The following HTR1F variants were observed in gnomAD, a reference collection of about 807,000 sequenced individuals.
The protein encoded by HTR1F is 5-hydroxytryptamine receptor 1F.
Under a neutral mutation model 24.0 loss-of-function variants are expected in HTR1F, and 17 were observed. That is an observed-to-expected ratio of 0.71 (90% CI 0.48 to 1.06). HTR1F has a LOEUF of 1.06. HTR1F is among the 50% of genes least tolerant of loss of function. The pLI, the probability that HTR1F is intolerant of heterozygous loss-of-function variation, is 0.00. For missense variants in HTR1F, 391 were observed against 427.8 expected, an observed-to-expected ratio of 0.91 and a Z score of 0.76; for synonymous variants, 186 against 156.8, an observed-to-expected ratio of 1.19 and a Z score of -1.39.
chr3:87,806,710 T>G (rs1704080114), intron 1 of HTR1F, among the ~76,000 whole-genome samples: 1 of 152,040 alleles, frequency 6.6e-6, no homozygotes, highest in African/African-American at 2.4e-5. Context: ...TCAGCCATAA[T>G]CTTTTCCTAA....
chr3:87,969,672 G>A (rs58046740), intron 2 of HTR1F, among the ~76,000 whole-genome samples: 14,128 of 152,210 alleles, frequency 0.093, 687 homozygotes, highest in African/African-American at 0.12. Context: ...GTGGACTTTT[G>A]AGTTAATGCT....
intron 1 of HTR1F, among the ~76,000 whole-genome samples, chr3:87,816,815 A>G (rs1476513220): frequency 6.6e-6 from 1 of 152,128 alleles, no homozygotes; most frequent in Non-Finnish European, 1.5e-5. Flanking sequence ...CTAGCAAATG[A>G]AAGTTCAATG....
chr3:87,823,046 G>A (rs1704390055), intron 2 of HTR1F, among the ~76,000 whole-genome samples: 1 of 152,100 alleles, frequency 6.6e-6, no homozygotes, highest in Non-Finnish European at 1.5e-5. Flanking sequence ...TTATTATTTA[G>A]AAGATTAATG....
chr3:87,814,131 G>A (rs1207568458), intron 1 of HTR1F, among the ~76,000 whole-genome samples: 1 of 152,190 alleles, frequency 6.6e-6, no homozygotes, highest in East Asian at 1.9e-4. Flanking sequence ...TTAAAGTAAT[G>A]AATGACGCAA....
intron 2 of HTR1F, among the ~76,000 whole-genome samples, chr3:87,871,586 C>CA (rs1213374832): frequency 2.0e-5 from 3 of 151,948 alleles, no homozygotes; most frequent in Non-Finnish European, 4.4e-5. Flanking sequence ...GGTGAATCCA[C>CA]AGAGGCCCAC....
Position 87,873,133 on chromosome 3 carries a change from C to CAG in HTR1F, c.-43+51015_-43+51016dup, listed in dbSNP as rs3079048. ...ACACACACACACACACACACACACA[C>CAG]AGAGAGATTTATGAGATTTATTATA... On this transcript the variant is annotated intron_variant, in intron 2 of 2. Coordinates refer to ENST00000319595, the MANE Select transcript of HTR1F (RefSeq NM_001322209.2). 8.0e-3 allele frequency among the ~76,000 whole-genome samples: 1,044 copies of CAG among 130,300 alleles called. 11 individuals carry two copies. The highest frequency in any genetic ancestry group is 0.017 in the African/African-American group (641 of 38,150). The allele number at this position is 130,300 out of a possible 152,430, so 85.5% of individuals were successfully genotyped here. A position where few individuals can be genotyped will look rare whatever the true frequency, so the allele number is the denominator to read the frequency against.
At chr3:87,857,058 C>G (rs957331973) in intron 2 of HTR1F, among the ~76,000 whole-genome samples, 1 of 151,998 alleles carries the variant, frequency 6.6e-6, no homozygotes, top group Non-Finnish European at 1.5e-5. Context: ...TATGATATGG[C>G]TCTACCTAGG....
intron 2 of HTR1F, among the ~76,000 whole-genome samples, chr3:87,959,201 G>A (rs1001499000): frequency 2.0e-5 from 3 of 151,770 alleles, no homozygotes; most frequent in Admixed American, 2.0e-4. Flanking sequence ...GAAATAGAGT[G>A]AGTTCAAAAC....
chr3:87,898,654 A>G (rs1213553249), intron 2 of HTR1F, among the ~76,000 whole-genome samples: 2 of 152,094 alleles, frequency 1.3e-5, no homozygotes, highest in Non-Finnish European at 2.9e-5. Context: ...ATACTAGGCT[A>G]GCAGATATAA....
chr3:87,937,642 G>C (rs575661125), intron 2 of HTR1F, among the ~76,000 whole-genome samples: 5 of 152,066 alleles, frequency 3.3e-5, no homozygotes, highest in African/African-American at 1.2e-4. Flanking sequence ...AAAGAAATAG[G>C]GCCAGGCGCA....
At chr3:87,961,261 T>C (rs1302766206) in intron 2 of HTR1F, among the ~76,000 whole-genome samples, 1 of 152,066 alleles carries the variant, frequency 6.6e-6, no homozygotes, top group African/African-American at 2.4e-5. Context: ...TAACGAATGA[T>C]ATTATTGATG....
intron 2 of HTR1F, among the ~76,000 whole-genome samples, chr3:87,972,534 T>C (rs1705306821): frequency 6.6e-6 from 1 of 152,224 alleles, no homozygotes; most frequent in African/African-American, 2.4e-5. Context: ...ATCTGCCTTC[T>C]AGACAACTAG....
intron 1 of HTR1F, among the ~76,000 whole-genome samples, chr3:87,796,991 C>A (rs1703916198): frequency 1.3e-5 from 2 of 152,214 alleles, no homozygotes; most frequent in Middle Eastern, 3.4e-3. Context: ...ATATAGTAGT[C>A]CCTCCTTATT....
chr3:87,819,690 T>C (rs1040407631), intron 1 of HTR1F, among the ~76,000 whole-genome samples: 2 of 152,108 alleles, frequency 1.3e-5, no homozygotes, highest in African/African-American at 4.8e-5. Context: ...ACTTTATAAC[T>C]GACCAGTATC....
intron 2 of HTR1F, among the ~76,000 whole-genome samples, chr3:87,970,901 A>G (rs1474791612): frequency 6.6e-6 from 1 of 152,214 alleles, no homozygotes; most frequent in African/African-American, 2.4e-5. Context: ...ACAGTAGTAT[A>G]GATTGATGCC....
chr3:87,903,341 C>T (rs1706376476), intron 2 of HTR1F, among the ~76,000 whole-genome samples: 1 of 151,072 alleles, frequency 6.6e-6, no homozygotes, highest in East Asian at 1.9e-4. Context: ...AACAGGCAAC[C>T]TACAGAATGG....
In HTR1F at chr3:87,869,386, CAAACAGAT is replaced by C. The variant is rs1445400150; in HGVS notation, c.-43+47264_-43+47271del. On this transcript the variant is annotated intron_variant, in intron 2 of 2. Transcript: ENST00000319595. ...AGAACCAATAGGATAGATAGATAGA[CAAACAGAT>C]AGATAGATAGATAGATAGATAGATA... Among the ~76,000 whole-genome samples, 45 of 137,486 alleles carry C rather than the reference CAAACAGAT, an allele frequency of 3.3e-4. No individual in the cohort carries two copies. In the South Asian group the frequency reaches 5.9e-3, roughly 18 times the overall value. 90.2% of individuals were successfully genotyped at this position (137,486 alleles called of 152,430 possible).
chr3:87,861,229 G>A (rs34825240), intron 2 of HTR1F, among the ~76,000 whole-genome samples: 2,100 of 152,196 alleles, frequency 0.014, 20 homozygotes, highest in Non-Finnish European at 0.023. Context: ...TTTGGATTTT[G>A]TTCATCGGTA....
intron 2 of HTR1F, among the ~76,000 whole-genome samples, chr3:87,919,342 G>A (rs1703961940): frequency 6.6e-6 from 1 of 151,892 alleles, no homozygotes; most frequent in Non-Finnish European, 1.5e-5. Flanking sequence ...GAACCCAAAA[G>A]CAAATGCAAT....
Sources: gnomAD v4.1 joint callset for allele counts (sites outside exome capture counted in the v4.1 genomes callset) on GRCh38, gnomAD v4.1.1 for gene constraint, MANE v1.5 for transcripts, NCBI Gene and HGNC (gene_info 2026-07-23, HGNC 2026-07-21) for gene names.